Variants in PSD3 observed in about 807,000 individuals in gnomAD.
PSD3 encodes the protein PH and SEC7 domain-containing protein 3.
A neutral mutation model predicts 105.5 loss-of-function variants in PSD3; 49 were observed. The observed-to-expected ratio is 0.46, with a 90% CI of 0.37 to 0.59. The LOEUF is 0.59. Ranked by LOEUF, PSD3 falls within the 20% of genes least tolerant of loss-of-function variation. The pLI is 0.00. For synonymous variants in PSD3, 557 were observed against 457.8 expected (o/e 1.22, Z -2.77); for missense variants, 1,561 against 1,263.8 (o/e 1.24, Z -3.57).
chr8:18,676,684 G>A (rs556917135), intron 9 of PSD3, among the ~76,000 whole-genome samples: 1 of 152,222 alleles, frequency 6.6e-6, no homozygotes, highest in South Asian at 2.1e-4. Flanking sequence ...ATGCTGACCC[G>A]CATACCCTAC....
intron 2 of PSD3, among the ~76,000 whole-genome samples, chr8:18,899,755 A>G (rs546294220): frequency 1.4e-4 from 21 of 152,292 alleles, no homozygotes; most frequent in Non-Finnish European, 2.8e-4. Context: ...AATCCAGCAG[A>G]AGAGTTCTTG....
At chr8:18,601,298 T>TA (rs769307333) in intron 11 of PSD3, among the ~76,000 whole-genome samples, 32 of 152,222 alleles carry the variant, frequency 2.1e-4, no homozygotes, top group Non-Finnish European at 2.9e-4. Context: ...AATTAAAATC[T>TA]ATAACTGGAA....
At chr8:18,605,156 C>G (rs145360148) in intron 11 of PSD3, among the ~76,000 whole-genome samples, 2 of 152,262 alleles carry the variant, frequency 1.3e-5, no homozygotes, top group South Asian at 4.1e-4. Flanking sequence ...ACCATATATG[C>G]CTGGAAAAAC....
At chr8:19,077,934 C>A (rs982692322) in intron 1 of PSD3, among the ~76,000 whole-genome samples, 1 of 152,084 alleles carries the variant, frequency 6.6e-6, no homozygotes, top group South Asian at 2.1e-4. Context: ...AGACCACATG[C>A]GGAATCCATG....
Position 18,804,593 on chromosome 8 carries a change from A to G in PSD3, c.1839T>C (p.Phe613=). The change falls in exon 6 of 16, where the codon TTT becomes TTC. Residue 613 remains phenylalanine, a synonymous_variant. Coordinates refer to ENST00000327040, the MANE Select transcript of PSD3 (RefSeq NM_015310.4). ...VAKHLGKNNE[F]SKLVAEEYLK... ...GATATTCTTCTGCAACTAGTTTGCT[A>G]AATTCGTTGCTATAAGAAAACAGAA... The G allele has an allele frequency of 6.2e-7, 1 of 1,613,280 alleles. No individual in the cohort carries two copies. Among genetic ancestry groups the G allele is most frequent in the East Asian group, 2.2e-5 (1 of 44,882 alleles).
At chr8:18,546,238 C>T (rs922721587) in intron 15 of PSD3, among the ~76,000 whole-genome samples, 1 of 152,094 alleles carries the variant, frequency 6.6e-6, no homozygotes, top group Non-Finnish European at 1.5e-5. Flanking sequence ...CTGAGATGAC[C>T]CACCTGTCTC....
At chr8:18,793,269 T>C (rs1228257840) in intron 8 of PSD3, among the ~76,000 whole-genome samples, 1 of 151,042 alleles carries the variant, frequency 6.6e-6, no homozygotes, top group Non-Finnish European at 1.5e-5. Context: ...CACACATACA[T>C]ATGTAACAAA....
chr8:19,039,381 A>C (rs534754436), intron 1 of PSD3, among the ~76,000 whole-genome samples: 1 of 152,246 alleles, frequency 6.6e-6, no homozygotes, highest in Admixed American at 6.5e-5. Flanking sequence ...GTGACATCTC[A>C]AGCTCAGCAT....
upstream of PSD3, among the ~76,000 whole-genome samples, chr8:19,015,815 A>G (rs1827161934): frequency 6.6e-6 from 1 of 152,260 alleles, no homozygotes; most frequent in East Asian, 1.9e-4. Context: ...ATAGAGGAGC[A>G]TTTCATAAGT....
At chr8:18,767,716 C>T (rs1807137300) in intron 8 of PSD3, among the ~76,000 whole-genome samples, 1 of 151,986 alleles carries the variant, frequency 6.6e-6, no homozygotes, top group African/African-American at 2.4e-5. Context: ...CACTGCACTC[C>T]AGCCTGGGAA....
rs182682007 is a variant in PSD3 at position 18,658,417 on chromosome 8, C to T, written c.2173-2732G>A. Reference sequence around the variant, plus strand: ...ACCTGGCAGTCATTACTTCCTTTCCCGTGTAGCCTAGACGTCATAGTCTCT... The same window carrying T: ...ACCTGGCAGTCATTACTTCCTTTCCTGTGTAGCCTAGACGTCATAGTCTCT... On this transcript the variant is annotated intron_variant, in intron 9 of 15. Coordinates refer to ENST00000327040, the MANE Select transcript of PSD3 (RefSeq NM_015310.4). Among the ~76,000 whole-genome samples, 19 of 152,230 alleles carry T rather than the reference C, an allele frequency of 1.2e-4. No homozygotes were observed. In the East Asian group the frequency reaches 2.5e-3, roughly 20 times the overall value.
Position 18,850,592 on chromosome 8 carries a change from A to G in PSD3, c.1634+17082T>C, listed in dbSNP as rs149065245. Among the ~76,000 whole-genome samples the G allele has an allele frequency of 3.5e-4, 53 of 152,288 alleles. No individual in the cohort carries two copies. In the East Asian group the frequency reaches 9.3e-3, roughly 27 times the overall value. On this transcript the variant is annotated intron_variant, in intron 4 of 15. Coordinates refer to ENST00000327040, the MANE Select transcript of PSD3 (RefSeq NM_015310.4). Reference sequence around the variant, plus strand: ...CACTTGTCCTATGTTTTCTAAGACAATTGTCGTAAGTTATTTAAAAGGAGG... The same window carrying G: ...CACTTGTCCTATGTTTTCTAAGACAGTTGTCGTAAGTTATTTAAAAGGAGG...
At chr8:19,009,500 A>C (rs963710529) in intron 1 of PSD3, among the ~76,000 whole-genome samples, 1 of 152,200 alleles carries the variant, frequency 6.6e-6, no homozygotes, top group Admixed American at 6.5e-5. Flanking sequence ...ATGGGGAATA[A>C]GGGAGACAAC....
intron 1 of PSD3, among the ~76,000 whole-genome samples, chr8:19,035,241 A>G (rs1410299126): frequency 6.6e-6 from 1 of 152,166 alleles, no homozygotes; most frequent in Non-Finnish European, 1.5e-5. Flanking sequence ...TATTGCCCAA[A>G]CTGAATTATG....
intron 1 of PSD3, among the ~76,000 whole-genome samples, chr8:19,056,409 C>A (rs548671681): frequency 1.3e-5 from 2 of 152,010 alleles, no homozygotes; most frequent in Non-Finnish European, 2.9e-5. Flanking sequence ...AGTTTTGACA[C>A]GTTGTACAAT....
chr8:18,797,841 A>G (rs1286293376), intron 8 of PSD3, among the ~76,000 whole-genome samples: 2 of 152,118 alleles, frequency 1.3e-5, no homozygotes, highest in East Asian at 3.9e-4. Flanking sequence ...CAACTCTTTT[A>G]TGTTGATGGA....
intron 12 of PSD3, among the ~76,000 whole-genome samples, chr8:18,578,733 G>C (rs552684394): frequency 8.4e-6 from 1 of 118,572 alleles, no homozygotes; most frequent in African/African-American, 3.2e-5. Context: ...TCTTAAAAAT[G>C]CAAAAAAAAA....
intron 12 of PSD3, among the ~76,000 whole-genome samples, chr8:18,587,134 T>C (rs892648621): frequency 5.3e-5 from 8 of 152,160 alleles, no homozygotes; most frequent in South Asian, 2.1e-4. Flanking sequence ...ACTGGAATCC[T>C]AGGAGTGTAA....
At chr8:18,668,130 C>CA (rs1470183989) in intron 9 of PSD3, among the ~76,000 whole-genome samples, 3 of 152,228 alleles carry the variant, frequency 2.0e-5, no homozygotes, top group East Asian at 3.9e-4. Flanking sequence ...AACGGGCTCC[C>CA]ACAGTGCAGC....
Sources: gnomAD v4.1 joint callset for allele counts (sites outside exome capture counted in the v4.1 genomes callset) on GRCh38, gnomAD v4.1.1 for gene constraint, MANE v1.5 for transcripts, NCBI Gene and HGNC (gene_info 2026-07-23, HGNC 2026-07-21) for gene names.